The following NRG1 variants were observed in gnomAD, a reference collection of about 807,000 sequenced individuals.
NRG1 encodes the protein pro-neuregulin-1, membrane-bound isoform.
NRG1 carries 18 observed loss-of-function variants against 63.8 expected under a neutral mutation model. The ratio of observed to expected loss-of-function variants is 0.28; its 90% confidence interval spans 0.19 to 0.42. The LOEUF is 0.42. Ranked by LOEUF, NRG1 falls within the 10% of genes least tolerant of loss-of-function variation. The pLI is 1.00. For synonymous variants in NRG1, 302 were observed against 301.3 expected (o/e 1.00, Z -0.02); for missense variants, 762 against 814.7 (o/e 0.94, Z 0.79).
At chr8:31,644,827 AC>A (rs60734347) in intron 1 of NRG1, among the ~76,000 whole-genome samples, 10,138 of 152,130 alleles carry the variant, frequency 0.067, 1,142 homozygotes, top group African/African-American at 0.23. Context: ...TCATAGCAAT[AC>A]TTAGCCTTTT....
chr8:32,155,233 AC>A (rs1837924289), intron 1 of NRG1, among the ~76,000 whole-genome samples: 2 of 152,170 alleles, frequency 1.3e-5, no homozygotes, highest in African/African-American at 4.8e-5. Flanking sequence ...GTTACTAACT[AC>A]CCATCCCAAC....
intron 1 of NRG1, among the ~76,000 whole-genome samples, chr8:32,121,403 G>A (rs1289000950): frequency 6.7e-6 from 1 of 149,908 alleles, no homozygotes; most frequent in African/African-American, 2.4e-5. Context: ...GAAATCGTGT[G>A]TGTGTGTGTG....
intron 1 of NRG1, among the ~76,000 whole-genome samples, chr8:31,646,074 T>A (rs996185850): frequency 6.6e-6 from 1 of 152,100 alleles, no homozygotes; most frequent in African/African-American, 2.4e-5. Context: ...AAAATAGAGG[T>A]CTTAGATCAC....
rs57363109 is a variant in NRG1, at chr8:31,712,255, C to CTTTTTTTTTTTTTTTTT, written c.37+72838_37+72854dup. Among the ~76,000 whole-genome samples the CTTTTTTTTTTTTTTTTT allele has an allele frequency of 4.6e-4, 33 of 72,354 alleles. 4 individuals are homozygous for CTTTTTTTTTTTTTTTTT. The highest frequency in any genetic ancestry group is 5.3e-4 in the South Asian group (1 of 1,870). The allele number at this position is 72,354 out of a possible 152,430, so 47.5% of individuals were successfully genotyped here. A position where few individuals can be genotyped will look rare whatever the true frequency, so the allele number is the denominator to read the frequency against. On this transcript the variant is annotated intron_variant, in intron 1 of 10. Coordinates refer to the NRG1 transcript ENST00000519301. ...TGACTTCCTGTTTCTTCTTCATGAT[C>CTTTTTTTTTTTTTTTTT]TTTTTTTTTTTTTTTTTTTTTTTTT...
Position 31,640,618 on chromosome 8 carries a change from G to T in NRG1, c.37+1187G>T. 1 of 1,611,524 alleles carries T rather than the reference G, an allele frequency of 6.2e-7. No homozygotes were observed. The highest frequency in any genetic ancestry group is 8.5e-7 in the Non-Finnish European group (1 of 1,179,444). On this transcript the variant is annotated intron_variant, in intron 1 of 10. Coordinates refer to the NRG1 transcript ENST00000519301. The surrounding 1 kb of genome is among the most constrained non-coding windows in gnomAD (Gnocchi z 6.3). ...CAGGTACATCTTCTTCATGGAGCCC[G>T]ACGCCAACAGCACCAGCCGCGCGCC...
Position 32,155,795 on chromosome 8 carries a change from A to G in NRG1, c.38-440033A>G, listed in dbSNP as rs185944648. On this transcript the variant is annotated intron_variant, in intron 1 of 10. Coordinates refer to the NRG1 transcript ENST00000519301. ...TGCCTAGTTCTTCACCCATTTTACC[A>G]ATGCAATATAGAAACTTTCTTACTG... Among the ~76,000 whole-genome samples the G allele has an allele frequency of 1.1e-4, 16 of 152,258 alleles. No homozygotes were observed. In the East Asian group the frequency reaches 2.9e-3, roughly 28 times the overall value.
chr8:32,755,790 T>C (rs372023586), intron 8 of NRG1, among the ~76,000 whole-genome samples: 33 of 152,074 alleles, frequency 2.2e-4, no homozygotes, highest in African/African-American at 7.7e-4. Context: ...TCACCCAGGC[T>C]AGAATGCAGT....
chr8:32,126,818 A>T (rs1373361130), intron 1 of NRG1, among the ~76,000 whole-genome samples: 2 of 151,884 alleles, frequency 1.3e-5, no homozygotes, highest in African/African-American at 4.8e-5. Flanking sequence ...AACATCCCAG[A>T]GTCTTAGCTG....
intron 1 of NRG1, among the ~76,000 whole-genome samples, chr8:32,057,658 A>G (rs1823177269): frequency 6.6e-6 from 1 of 152,298 alleles, no homozygotes; most frequent in Non-Finnish European, 1.5e-5. Context: ...CCTGTCTTCT[A>G]GGTCATTGGG....
At chr8:32,682,889 T>A (rs1314135949) in intron 5 of NRG1, among the ~76,000 whole-genome samples, 1 of 152,114 alleles carries the variant, frequency 6.6e-6, no homozygotes, top group Non-Finnish European at 1.5e-5. Context: ...TTAAGAAAAT[T>A]CCTAGATAAA....
At chr8:32,018,289 A>G (rs1167365347) in intron 1 of NRG1, among the ~76,000 whole-genome samples, 1 of 152,242 alleles carries the variant, frequency 6.6e-6, no homozygotes, top group African/African-American at 2.4e-5. Context: ...TTACTTGATC[A>G]GAGAATTAAC....
At chr8:31,665,998 C>A (rs1806500514) in intron 1 of NRG1, among the ~76,000 whole-genome samples, 1 of 152,152 alleles carries the variant, frequency 6.6e-6, no homozygotes, top group Non-Finnish European at 1.5e-5. Context: ...GACTGAAATA[C>A]AGTTTTTAAA....
chr8:32,293,715 C>CT (rs1854486773), intron 1 of NRG1, among the ~76,000 whole-genome samples: 1 of 113,556 alleles, frequency 8.8e-6, no homozygotes. Flanking sequence ...TTCTTTTCTT[C>CT]TTCTTTTTTT....
At chr8:32,605,323 C>G (rs535385942) in intron 2 of NRG1, among the ~76,000 whole-genome samples, 54 of 152,214 alleles carry the variant, frequency 3.5e-4, no homozygotes, top group African/African-American at 1.1e-3. Context: ...TTCCTTTAAA[C>G]TACTGATTTA....
chr8:32,403,548 T>G (rs1395838260), intron 1 of NRG1, among the ~76,000 whole-genome samples: 1 of 152,188 alleles, frequency 6.6e-6, no homozygotes, highest in African/African-American at 2.4e-5. Context: ...CAAGTCTGTT[T>G]GAACCTGACA....
At chr8:31,855,068 C>G (rs1347171221) in intron 1 of NRG1, among the ~76,000 whole-genome samples, 3 of 151,572 alleles carry the variant, frequency 2.0e-5, no homozygotes, top group African/African-American at 7.3e-5. Context: ...TGGTGTGGTG[C>G]TGAAAAAAAT....
intron 1 of NRG1, among the ~76,000 whole-genome samples, chr8:32,169,369 A>G (rs2131989139): frequency 6.6e-6 from 1 of 152,332 alleles, no homozygotes; most frequent in Middle Eastern, 3.4e-3. Flanking sequence ...GAATGTTGAA[A>G]ACTTGTAGTG....
rs189801030 is a variant in NRG1 at position 31,757,926 on chromosome 8, C to T, written c.37+118495C>T. 2.6e-4 allele frequency among the ~76,000 whole-genome samples: 39 copies of T among 152,102 alleles called. No homozygotes were observed. In the East Asian group the frequency reaches 7.2e-3, roughly 28 times the overall value. ...TCCTTTCAGAAAATTCCTCATGCCCCTCACTCCTCCTTCTCCTCTATCACT... is the reference window on the plus strand; with the variant it reads ...TCCTTTCAGAAAATTCCTCATGCCCTTCACTCCTCCTTCTCCTCTATCACT... On this transcript the variant is annotated intron_variant, in intron 1 of 10. Coordinates refer to the NRG1 transcript ENST00000519301.
At chr8:31,642,837 A>G (rs767252222) in intron 1 of NRG1, among the ~76,000 whole-genome samples, 18 of 152,228 alleles carry the variant, frequency 1.2e-4, no homozygotes, top group Non-Finnish European at 7.3e-5. Context: ...GCTAAGTTCT[A>G]ACTGAAATCA....
Sources: allele counts gnomAD v4.1 joint callset (sites outside exome capture counted in the v4.1 genomes callset), GRCh38; gene constraint gnomAD v4.1.1; non-coding constraint Gnocchi (gnomAD v3.1); transcripts MANE v1.5; gene names NCBI Gene and HGNC (gene_info 2026-07-23, HGNC 2026-07-21).